Variants in GNG7 observed in about 807,000 individuals in gnomAD.
GNG7 encodes G protein subunit gamma 7, also known as guanine nucleotide-binding protein G(I)/G(S)/G(O) subunit gamma-7.
Under a neutral mutation model 4.0 loss-of-function variants are expected in GNG7, and 1 was observed. The ratio of observed to expected loss-of-function variants is 0.25; its 90% CI spans 0.09 to 1.18. GNG7 has a LOEUF of 1.18. GNG7 is among the 50% of genes most tolerant of loss of function. The pLI is 0.50. For missense variants in GNG7, 86 were observed against 91.9 expected, an observed-to-expected ratio of 0.94 and a Z score of 0.26; for synonymous variants, 34 against 36.9, an observed-to-expected ratio of 0.92 and a Z score of 0.29.
intron 3 of GNG7, among the ~76,000 whole-genome samples, chr19:2,526,720 G>A (rs1599373418): frequency 6.7e-6 from 1 of 149,296 alleles, no homozygotes; most frequent in Non-Finnish European, 1.5e-5. Flanking sequence ...TTTCTATTTT[G>A]ACATTTACAT....
intron 1 of GNG7, among the ~76,000 whole-genome samples, chr19:2,702,380 C>CT (rs1372307289): frequency 1.3e-5 from 2 of 150,556 alleles, no homozygotes; most frequent in Non-Finnish European, 3.0e-5. Context: ...CTCCCGCCCC[C>CT]TCCCCAGCTA....
In GNG7 at chr19:2,633,487, G is replaced by GCA. The variant is rs796899840; in HGVS notation, c.-78+12735_-78+12736dup. ...TAGCAACAGGCGCGCGCGCGCGCGC[G>GCA]CACACACACACACACACACACACAC... On this transcript the variant is annotated intron_variant, in intron 2 of 4. Coordinates refer to ENST00000382159, the MANE Select transcript of GNG7 (RefSeq NM_052847.3). This position sits in a 1 kb window ranked among gnomAD's most constrained non-coding sequence, Gnocchi z 5.9. Among the ~76,000 whole-genome samples the GCA allele has an allele frequency of 0.042, 4,348 of 103,650 alleles. 97 individuals carry two copies. The highest frequency in any genetic ancestry group is 0.08 in the East Asian group (300 of 3,768). 68.0% of individuals were successfully genotyped at this position (103,650 alleles called of 152,430 possible). A position where few individuals can be genotyped will look rare whatever the true frequency, so the allele number is the denominator to read the frequency against.
chr19:2,637,390 G>A (rs1326044522), intron 2 of GNG7, among the ~76,000 whole-genome samples: 1 of 151,806 alleles, frequency 6.6e-6, no homozygotes, highest in Non-Finnish European at 1.5e-5. Context: ...AGAGGTCAGA[G>A]ACCCCCGCAG....
At chr19:2,556,146 G>A (rs1323398962) in intron 2 of GNG7, among the ~76,000 whole-genome samples, 2 of 152,246 alleles carry the variant, frequency 1.3e-5, no homozygotes, top group Non-Finnish European at 2.9e-5. Context: ...GCCGGGACTT[G>A]CGCACAATGA....
intron 1 of GNG7, among the ~76,000 whole-genome samples, chr19:2,696,641 G>A (rs1056696090): frequency 6.6e-6 from 1 of 152,216 alleles, no homozygotes; most frequent in African/African-American, 2.4e-5. Context: ...GAAAAGGGTC[G>A]AGGCTCTGAC....
rs1358111930 is a variant in GNG7 at position 2,609,737 on chromosome 19, T to C, written c.-78+36487A>G. ...GAGGTTACAGAGCCCCAGCAAACCA[T>C]CACGCTGGGTTAAAGGAACTGGTCC... On this transcript the variant is annotated intron_variant, in intron 2 of 4. Coordinates refer to ENST00000382159, the MANE Select transcript of GNG7 (RefSeq NM_052847.3). The surrounding 1 kb of genome is among the most constrained non-coding windows in gnomAD (Gnocchi z 4.4). Among the ~76,000 whole-genome samples, 1 of 152,066 alleles carries C rather than the reference T, an allele frequency of 6.6e-6. No individual in the cohort carries two copies. The highest frequency in any genetic ancestry group is 2.4e-5 in the African/African-American group (1 of 41,402).
intron 3 of GNG7, chr19:2,538,769 TTTTTTTTC>T (rs1161187735): frequency 1.4e-5 from 5 of 364,844 alleles, no homozygotes; most frequent in South Asian, 2.0e-5. Flanking sequence ...TATATTTTTC[TTTTTTTTC>T]TTTTTTTTTG....
At chr19:2,630,226 C>A (rs1004157267) in intron 2 of GNG7, among the ~76,000 whole-genome samples, 1 of 151,984 alleles carries the variant, frequency 6.6e-6, no homozygotes, top group Non-Finnish European at 1.5e-5. Context: ...GAACGCAGGC[C>A]CCCCCTTCCC....
At chr19:2,553,315 A>G (rs968776705) in intron 3 of GNG7, among the ~76,000 whole-genome samples, 2 of 150,010 alleles carry the variant, frequency 1.3e-5, no homozygotes, top group African/African-American at 4.9e-5. Flanking sequence ...CGCGAATGAA[A>G]CAGATCAGCG....
chr19:2,589,864 T>G (rs1980787981), intron 2 of GNG7, among the ~76,000 whole-genome samples: 1 of 151,920 alleles, frequency 6.6e-6, no homozygotes, highest in Non-Finnish European at 1.5e-5. Context: ...CAGGCTGGAG[T>G]ACAGTGACAT....
intron 2 of GNG7, among the ~76,000 whole-genome samples, chr19:2,571,249 G>A (rs902405064): frequency 4.6e-5 from 7 of 152,188 alleles, no homozygotes; most frequent in Non-Finnish European, 7.3e-5. Context: ...AGATAACAGA[G>A]GGTCCCTGGT....
chr19:2,553,535 C>T (rs7253593), intron 3 of GNG7, among the ~76,000 whole-genome samples: 119,202 of 148,204 alleles, frequency 0.8, 48,250 homozygotes, highest in African/African-American at 0.89. Context: ...TTACATGTAA[C>T]ATCACATTAC....
rs919057647 is a variant in GNG7, at chr19:2,626,731, C to T, written c.-78+19493G>A. 2.6e-5 allele frequency among the ~76,000 whole-genome samples: 4 copies of T among 152,214 alleles called. No individual in the cohort carries two copies. Among genetic ancestry groups the T allele is most frequent in the Non-Finnish European group, 5.9e-5 (4 of 67,980 alleles). On this transcript the variant is annotated intron_variant, in intron 2 of 4. Coordinates refer to ENST00000382159, the MANE Select transcript of GNG7 (RefSeq NM_052847.3). This position sits in a 1 kb window ranked among gnomAD's most constrained non-coding sequence, Gnocchi z 5.0. ...TTCTGTCCCCTCAGGGGACACTGGG[C>T]GGTGTCGGGGGACATCTGTAATTGT...
chr19:2,528,408 T>TAAA (rs1197788787), intron 3 of GNG7, among the ~76,000 whole-genome samples: 217 of 99,382 alleles, frequency 2.2e-3, no homozygotes, highest in African/African-American at 7.1e-3. Flanking sequence ...CTGTCTCTAC[T>TAAA]AAAAAAAAAA....
At chr19:2,565,429 T>C (rs1212297578) in intron 2 of GNG7, among the ~76,000 whole-genome samples, 1 of 151,676 alleles carries the variant, frequency 6.6e-6, no homozygotes, top group African/African-American at 2.4e-5. Flanking sequence ...AGAGAATCAC[T>C]TGAACCCGAG....
At chr19:2,598,395 C>T (rs1019713018) in intron 2 of GNG7, among the ~76,000 whole-genome samples, 5 of 151,772 alleles carry the variant, frequency 3.3e-5, no homozygotes, top group African/African-American at 4.8e-5. Flanking sequence ...TGGTGGCTCA[C>T]GCCTGTACTC....
At chr19:2,648,750 G>A (rs1306513477) in intron 1 of GNG7, among the ~76,000 whole-genome samples, 1 of 152,338 alleles carries the variant, frequency 6.6e-6, no homozygotes, top group East Asian at 1.9e-4. Flanking sequence ...GCAGCTCAGG[G>A]CAGCAGGGAT....
intron 1 of GNG7, among the ~76,000 whole-genome samples, chr19:2,695,127 G>T (rs2144913915): frequency 6.6e-6 from 1 of 152,182 alleles, no homozygotes; most frequent in East Asian, 1.9e-4. Flanking sequence ...AGTGAGCCAG[G>T]CTGAGAAAAT....
chr19:2,558,500 C>T (rs1270704413), intron 2 of GNG7, among the ~76,000 whole-genome samples: 1 of 152,036 alleles, frequency 6.6e-6, no homozygotes, highest in Non-Finnish European at 1.5e-5. Flanking sequence ...TCCTAAAGTG[C>T]TGGATGACAG....
Sources: allele counts gnomAD v4.1 joint callset (sites outside exome capture counted in the v4.1 genomes callset), GRCh38; gene constraint gnomAD v4.1.1; non-coding constraint Gnocchi (gnomAD v3.1); transcripts MANE v1.5; gene names NCBI Gene and HGNC (gene_info 2026-07-23, HGNC 2026-07-21).